Variants in BMAL1 observed in about 807,000 individuals in gnomAD.
The protein encoded by BMAL1 is basic helix-loop-helix ARNT like 1, also known as basic helix-loop-helix ARNT-like protein 1.
the BMAL1 span, among the ~76,000 whole-genome samples, chr11:13,314,567 AT>A: frequency 6.6e-6 from 1 of 151,830 alleles, no homozygotes; most frequent in East Asian, 1.9e-4. Context: ...CTGACTTTTT[AT>A]TTTTTTAGCT....
At chr11:13,354,570 C>G in the BMAL1 span, 8 of 1,363,882 alleles carry the variant, frequency 5.9e-6, no homozygotes, top group Non-Finnish European at 7.8e-6. Flanking sequence ...AAACCCAACT[C>G]TAGGTGGCGA....
At chr11:13,360,309 T>G in the BMAL1 span, 1 of 1,570,778 alleles carries the variant, frequency 6.4e-7, no homozygotes, top group Non-Finnish European at 8.7e-7. Context: ...TTTCTGAATA[T>G]CAAGTATACC....
the BMAL1 span, among the ~76,000 whole-genome samples, chr11:13,284,178 G>A: frequency 1.7e-4 from 5 of 29,848 alleles, no homozygotes; most frequent in African/African-American, 4.9e-4. Context: ...ATATATATAT[G>A]TGTATATATA....
the BMAL1 span, among the ~76,000 whole-genome samples, chr11:13,384,922 A>AT: frequency 2.0e-5 from 3 of 152,158 alleles, no homozygotes; most frequent in Non-Finnish European, 2.9e-5. Flanking sequence ...GTCCTCAATG[A>AT]TTTTTTTAAG....
At chr11:13,386,857 A>G in the BMAL1 span, 1 of 1,401,984 alleles carries the variant, frequency 7.1e-7, no homozygotes, top group Non-Finnish European at 9.6e-7. Context: ...AATAGCTTTT[A>G]TGTACTGACT....
chr11:13,362,384 T>C, the BMAL1 span, among the ~76,000 whole-genome samples: 3 of 152,238 alleles, frequency 2.0e-5, no homozygotes. Context: ...CTTTCATTTC[T>C]GTCAAAACCT....
chr11:13,382,294 A>G, the BMAL1 span, among the ~76,000 whole-genome samples: 6 of 85,910 alleles, frequency 7.0e-5, no homozygotes, highest in Admixed American at 2.4e-4. Context: ...AAGACTACAA[A>G]GTAAGACCTG....
chr11:13,368,742 CCCCAGAGATTCTA>C, the BMAL1 span, among the ~76,000 whole-genome samples: 1 of 152,102 alleles, frequency 6.6e-6, no homozygotes, highest in Non-Finnish European at 1.5e-5. Flanking sequence ...CATGCTCCAC[CCCCAGAGATTCTA>C]ATTTGGTTTT....
At chr11:13,288,998 G>A in the BMAL1 span, among the ~76,000 whole-genome samples, 1 of 152,066 alleles carries the variant, frequency 6.6e-6, no homozygotes, top group East Asian at 1.9e-4. Flanking sequence ...ACCAGATTAG[G>A]AGTCAGATGA....
the BMAL1 span, chr11:13,378,365 T>A: frequency 1.9e-6 from 3 of 1,612,626 alleles, no homozygotes; most frequent in African/African-American, 4.0e-5. Flanking sequence ...ACCCCACTGT[T>A]CCAGGGATTC....
At chr11:13,361,535 GCAT>G in the BMAL1 span, among the ~76,000 whole-genome samples, 1 of 152,152 alleles carries the variant, frequency 6.6e-6, no homozygotes. Context: ...CTGGAATTTT[GCAT>G]CATCACTATC....
the BMAL1 span, chr11:13,379,888 C>T: frequency 1.3e-5 from 2 of 152,172 alleles, no homozygotes; most frequent in African/African-American, 2.4e-5. Flanking sequence ...TGGAAGAAAC[C>T]TGTAAGACCC....
At chr11:13,329,659 A>G in the BMAL1 span, among the ~76,000 whole-genome samples, 1,137 of 152,308 alleles carry the variant, frequency 7.5e-3, 13 homozygotes, top group African/African-American at 0.026. Context: ...CAGTTCTTCA[A>G]TGGCTTGTTG....
chr11:13,329,706 A>C, the BMAL1 span, among the ~76,000 whole-genome samples: 1 of 152,104 alleles, frequency 6.6e-6, no homozygotes, highest in South Asian at 2.1e-4. Flanking sequence ...GGCAGTTCCA[A>C]CTCACACACT....
the BMAL1 span, among the ~76,000 whole-genome samples, chr11:13,313,829 C>G: frequency 6.6e-6 from 1 of 152,170 alleles, no homozygotes; most frequent in Non-Finnish European, 1.5e-5. Context: ...AGCTAACCCC[C>G]TTCAGCGGGG....
chr11:13,302,078 A>G, the BMAL1 span, among the ~76,000 whole-genome samples: 14 of 152,280 alleles, frequency 9.2e-5, no homozygotes, highest in East Asian at 2.5e-3. Context: ...TGGAAAAGAG[A>G]CCAGAGATGG....
chr11:13,317,969 G>C, the BMAL1 span, among the ~76,000 whole-genome samples: 2 of 152,234 alleles, frequency 1.3e-5, no homozygotes, highest in African/African-American at 4.8e-5. Flanking sequence ...TTAAAAATGG[G>C]TAGATTTTTG....
chr11:13,362,259 T>C, the BMAL1 span, among the ~76,000 whole-genome samples: 5 of 152,358 alleles, frequency 3.3e-5, no homozygotes, highest in East Asian at 9.6e-4. Context: ...TACTGTATCA[T>C]TTGGGGCAGC....
chr11:13,300,490 G>T, the BMAL1 span, among the ~76,000 whole-genome samples: 1 of 152,218 alleles, frequency 6.6e-6, no homozygotes, highest in Non-Finnish European at 1.5e-5. Flanking sequence ...GAAATTAGTT[G>T]TAAGTGAAAG....
Sources: gnomAD v4.1 joint callset for allele counts (sites outside exome capture counted in the v4.1 genomes callset) on GRCh38, gnomAD v4.1.1 for gene constraint, MANE v1.5 for transcripts, NCBI Gene and HGNC (gene_info 2026-07-23, HGNC 2026-07-21) for gene names.